Variants in CCNH observed in about 807,000 individuals in gnomAD.
The protein encoded by CCNH is cyclin-H.
In CCNH, 31 loss-of-function variants were observed where a neutral mutation model predicts 41.9. That is an observed-to-expected ratio of 0.74 (90% CI 0.56 to 1.00). The LOEUF (loss-of-function observed/expected upper bound fraction) is 1.00, where lower values mean the gene tolerates loss of function less well. CCNH is among the 50% of genes least tolerant of loss of function. CCNH has a pLI of 0.00. For synonymous variants in CCNH, 138 were observed against 136.1 expected, an observed-to-expected ratio of 1.01 and a Z score of -0.10; for missense variants, 362 against 388.4, an observed-to-expected ratio of 0.93 and a Z score of 0.57.
chr5:87,341,347 G>GA lies in CCNH; in HGVS notation c.*91-22451dup, dbSNP rs35694079. Reference sequence around the variant, plus strand: ...GTGAGTTTGTGTTAATTATTAAAATGAAAAAAAAAATCTATATTGTAAATT... The same window carrying GA: ...GTGAGTTTGTGTTAATTATTAAAATGAAAAAAAAAAATCTATATTGTAAATT... On this transcript the variant is annotated intron_variant and NMD_transcript_variant, in intron 9 of 9. Coordinates refer to the CCNH transcript ENST00000645953. 536,606 of 1,185,996 alleles carry GA rather than the reference G, an allele frequency of 0.45. 106,178 individuals carry two copies. The highest frequency in any genetic ancestry group is 0.78 in the African/African-American group (46,435 of 59,258). 73.5% of individuals were successfully genotyped at this position (1,185,996 alleles called of 1,614,324 possible).
At chr5:87,394,783 A>T (rs1174110895) in intron 8 of CCNH, 1 of 1,343,150 alleles carries the variant, frequency 7.4e-7, no homozygotes, top group Non-Finnish European at 9.5e-7. Context: ...GAGAATAAGA[A>T]AAAAAGCAAA....
upstream of CCNH, among the ~76,000 whole-genome samples, chr5:87,381,749 C>G (rs1260238939): frequency 6.6e-6 from 1 of 152,122 alleles, no homozygotes; most frequent in Non-Finnish European, 1.5e-5. Flanking sequence ...TAAAACTGTT[C>G]TATAAATTTG....
At chr5:87,353,684 T>C (rs949500675) in intron 9 of CCNH, among the ~76,000 whole-genome samples, 3 of 148,592 alleles carry the variant, frequency 2.0e-5, no homozygotes, top group Admixed American at 2.0e-4. Context: ...CTGTATACTC[T>C]GAGTGAAAAC....
chr5:87,408,755 G>A (rs1421510535), intron 3 of CCNH, among the ~76,000 whole-genome samples: 1 of 152,082 alleles, frequency 6.6e-6, no homozygotes, highest in Non-Finnish European at 1.5e-5. Flanking sequence ...TGAGATCAAG[G>A]GCCTAATCTT....
chr5:87,367,645 C>T (rs1760623932), intron 9 of CCNH, among the ~76,000 whole-genome samples: 1 of 152,204 alleles, frequency 6.6e-6, no homozygotes, highest in Non-Finnish European at 1.5e-5. Flanking sequence ...CTTAGTGACA[C>T]AAAGTTATTC....
At chr5:87,358,649 T>A (rs112105758) in intron 9 of CCNH, among the ~76,000 whole-genome samples, 3,058 of 152,310 alleles carry the variant, frequency 0.02, 99 homozygotes, top group African/African-American at 0.067. Flanking sequence ...TCTGTTTTAA[T>A]ACTTGAAAAT....
chr5:87,394,367 CTTT>C lies in CCNH; in HGVS notation c.*76_*78del. 1 of 1,541,160 alleles carries C rather than the reference CTTT, an allele frequency of 6.5e-7. No homozygotes were observed. The highest frequency in any genetic ancestry group is 1.3e-5 in the South Asian group (1 of 79,376). ...ATATATTTTATGTTTTCACATTATA[CTTT>C]TTAAATAAAGTTAAACGTTTGATAT... On this transcript the variant is annotated 3_prime_UTR_variant, in exon 9 of 9. Transcript: ENST00000256897.
chr5:87,399,305 TA>T, intron 7 of CCNH, 88 bp downstream of exon 7: 1 of 916,118 alleles, frequency 1.1e-6, no homozygotes, highest in East Asian at 2.4e-5. Context: ...AGCTTTCCTC[TA>T]ATGAGCAAAC....
chr5:87,322,595 T>A (rs987080771), intron 9 of CCNH, among the ~76,000 whole-genome samples: 4 of 152,066 alleles, frequency 2.6e-5, no homozygotes, highest in Non-Finnish European at 4.4e-5. Context: ...CTTTGCCTTC[T>A]GCCATGAGTA....
exon 10 of CCNH, chr5:87,318,420 T>TA (rs1351022666): frequency 6.6e-6 from 1 of 152,244 alleles, no homozygotes; most frequent in Admixed American, 6.6e-5. Context: ...CTGGGTAGTT[T>TA]ATAAAGAAGC....
At chr5:87,314,464 A>G (rs1756165849), downstream of CCNH, among the ~76,000 whole-genome samples, 1 of 152,242 alleles carries the variant, frequency 6.6e-6, no homozygotes, top group Non-Finnish European at 1.5e-5. Flanking sequence ...AGGAAATGAC[A>G]GGATGGAAGA....
intron 9 of CCNH, among the ~76,000 whole-genome samples, chr5:87,338,732 T>TA (rs1218567457): frequency 6.6e-6 from 1 of 151,128 alleles, no homozygotes; most frequent in Non-Finnish European, 1.5e-5. Context: ...AGTGAAGTTA[T>TA]ATCAGTCTGA....
chr5:87,397,175 T>C (rs1763033270), intron 7 of CCNH, among the ~76,000 whole-genome samples: 1 of 152,080 alleles, frequency 6.6e-6, no homozygotes. Flanking sequence ...TTTTGTTTTT[T>C]TTTTTGAGAC....
downstream of CCNH, chr5:87,386,765 C>G: frequency 6.9e-7 from 1 of 1,447,382 alleles, no homozygotes; most frequent in Non-Finnish European, 9.7e-7. Context: ...TTTGCACCAA[C>G]CTAATAGATC....
downstream of CCNH, among the ~76,000 whole-genome samples, chr5:87,375,689 C>G (rs995330831): frequency 2.6e-5 from 4 of 152,298 alleles, no homozygotes; most frequent in African/African-American, 9.6e-5. Context: ...AGCAGCACAG[C>G]TCCTTCCATC....
At chr5:87,400,535 T>C (rs1327843585) in intron 6 of CCNH, among the ~76,000 whole-genome samples, 1 of 152,190 alleles carries the variant, frequency 6.6e-6, no homozygotes, top group Admixed American at 6.5e-5. Context: ...GTGGTATAAC[T>C]AAAGACCTAC....
intron 9 of CCNH, among the ~76,000 whole-genome samples, chr5:87,322,238 G>A (rs982086058): frequency 6.6e-6 from 1 of 152,128 alleles, no homozygotes; most frequent in African/African-American, 2.4e-5. Flanking sequence ...ACAGCAGGAG[G>A]TGTGAGCCAC....
chr5:87,389,119 T>C (rs1298000805), downstream of CCNH, among the ~76,000 whole-genome samples: 1 of 152,150 alleles, frequency 6.6e-6, no homozygotes, highest in East Asian at 1.9e-4. Context: ...AATTATCTAA[T>C]ATACCCAATT....
chr5:87,361,825 T>G (rs1332168680), intron 9 of CCNH, among the ~76,000 whole-genome samples: 1 of 151,960 alleles, frequency 6.6e-6, no homozygotes, highest in Admixed American at 6.6e-5. Flanking sequence ...CTAATATAAA[T>G]ATGTTGCTTA....
Sources: gnomAD v4.1 joint callset for allele counts (sites outside exome capture counted in the v4.1 genomes callset) on GRCh38, gnomAD v4.1.1 for gene constraint, MANE v1.5 for transcripts, NCBI Gene and HGNC (gene_info 2026-07-23, HGNC 2026-07-21) for gene names.